Variants in ADCK1 observed in about 807,000 individuals in gnomAD.
The protein encoded by ADCK1 is aarF domain-containing protein kinase 1.
ADCK1 carries 41 observed loss-of-function variants against 52.3 expected under a neutral mutation model. The observed-to-expected ratio is 0.78, with a 90% confidence interval of 0.61 to 1.02. The LOEUF (loss-of-function observed/expected upper bound fraction) is 1.02, where lower values mean the gene tolerates loss of function less well. Ranked by LOEUF, ADCK1 falls within the 50% of genes least tolerant of loss-of-function variation. ADCK1 has a pLI of 0.00. For synonymous variants in ADCK1, 250 were observed against 274.6 expected (o/e 0.91, Z 0.89); for missense variants, 658 against 679.5 (o/e 0.97, Z 0.35).
At chr14:77,896,695 G>A (rs992725279) in intron 5 of ADCK1, among the ~76,000 whole-genome samples, 6 of 152,206 alleles carry the variant, frequency 3.9e-5, no homozygotes, top group African/African-American at 1.4e-4. Context: ...CAGGGCTTGA[G>A]GCATACAGTC....
chr14:77,889,492 G>A (rs1258322161), intron 5 of ADCK1, among the ~76,000 whole-genome samples: 2 of 152,154 alleles, frequency 1.3e-5, no homozygotes, highest in African/African-American at 2.4e-5. Context: ...AAAATAACTT[G>A]CTCTATGTTA....
intron 3 of ADCK1, among the ~76,000 whole-genome samples, chr14:77,842,969 A>G (rs2082106830): frequency 6.9e-6 from 1 of 144,500 alleles, no homozygotes; most frequent in African/African-American, 2.6e-5. Flanking sequence ...GGCTCACTGC[A>G]TCCTCCACCT....
At chr14:77,809,725 A>C (rs2081298247) in intron 1 of ADCK1, among the ~76,000 whole-genome samples, 1 of 151,954 alleles carries the variant, frequency 6.6e-6, no homozygotes, top group South Asian at 2.1e-4. Flanking sequence ...TTCAGTAACA[A>C]ATAAATGAGG....
At chr14:77,882,303 T>C (rs989686369) in intron 4 of ADCK1, among the ~76,000 whole-genome samples, 1 of 152,216 alleles carries the variant, frequency 6.6e-6, no homozygotes, top group African/African-American at 2.4e-5. Flanking sequence ...TGTTTGCTGC[T>C]GATGCCATGG....
chr14:77,873,643 T>C (rs1225287384), intron 4 of ADCK1, among the ~76,000 whole-genome samples: 1 of 152,210 alleles, frequency 6.6e-6, no homozygotes, highest in Non-Finnish European at 1.5e-5. Flanking sequence ...GAATTGTAGC[T>C]CCCTCATCCT....
intron 1 of ADCK1, among the ~76,000 whole-genome samples, chr14:77,813,829 G>A (rs1488501783): frequency 6.6e-6 from 1 of 151,736 alleles, no homozygotes; most frequent in African/African-American, 2.4e-5. Flanking sequence ...GTGCGCAGTG[G>A]TGCAATCTCG....
intron 3 of ADCK1, among the ~76,000 whole-genome samples, chr14:77,850,770 C>A (rs1265668368): frequency 6.6e-6 from 1 of 151,344 alleles, no homozygotes; most frequent in African/African-American, 2.4e-5. Flanking sequence ...CCTGCCTCAG[C>A]TTCCCGAGTA....
At chr14:77,837,295 C>G (rs1172395904) in intron 3 of ADCK1, among the ~76,000 whole-genome samples, 1 of 151,934 alleles carries the variant, frequency 6.6e-6, no homozygotes, top group East Asian at 1.9e-4. Context: ...CATCATCATG[C>G]CTGGCTAATT....
chr14:77,917,458 A>G (rs1342866191), intron 7 of ADCK1, among the ~76,000 whole-genome samples: 1 of 152,180 alleles, frequency 6.6e-6, no homozygotes, highest in Non-Finnish European at 1.5e-5. Flanking sequence ...TTTTCTCTTG[A>G]GGGTGGGAAT....
intron 3 of ADCK1, among the ~76,000 whole-genome samples, chr14:77,857,843 T>A (rs200231051): frequency 1.2e-3 from 188 of 152,316 alleles, no homozygotes; most frequent in East Asian, 5.0e-3. Flanking sequence ...TTGACTGAGA[T>A]GGGAGGAGGC....
intron 3 of ADCK1, among the ~76,000 whole-genome samples, chr14:77,846,601 C>A (rs1160402975): frequency 6.6e-6 from 1 of 152,136 alleles, no homozygotes; most frequent in African/African-American, 2.4e-5. Flanking sequence ...TGGGAAAAAC[C>A]CCTGTTCTGG....
chr14:77,914,093 C>G lies in ADCK1; in HGVS notation c.858+6174C>G, dbSNP rs148500047. On this transcript the variant is annotated intron_variant, in intron 7 of 10. Transcript: ENST00000238561. ...CCCCCAAATCTCATTTTCAGAGGTG[C>G]TGGAGTCCCTCAGTTTCTGAGCCTG... is the stretch of plus-strand genomic sequence containing the variant. Among the ~76,000 whole-genome samples the G allele has an allele frequency of 1.5e-3, 233 of 152,258 alleles. 1 individual carries two copies. Among genetic ancestry groups the G allele is most frequent in the Admixed American group, 2.6e-3 (40 of 15,292 alleles).
At chr14:77,852,673 A>ATATTTATATATATATATATATAT (rs1566667046) in intron 3 of ADCK1, among the ~76,000 whole-genome samples, 1,561 of 18,030 alleles carry the variant, frequency 0.087, 36 homozygotes, top group South Asian at 0.17. Flanking sequence ...ATATATATAT[A>ATATTTATATATATATATATATAT]TATATATATA....
chr14:77,914,622 C>T (rs10150472), intron 7 of ADCK1: 68,538 of 981,006 alleles, frequency 0.07, 2,581 homozygotes, highest in African/African-American at 0.13. Flanking sequence ...AAGTTAGGGC[C>T]CCTGAGATTG....
chr14:77,833,763 A>G (rs1463745164), intron 3 of ADCK1, among the ~76,000 whole-genome samples: 1 of 151,944 alleles, frequency 6.6e-6, no homozygotes, highest in East Asian at 1.9e-4. Flanking sequence ...AGAAAATGTG[A>G]TTCTCCCTGG....
chr14:77,872,509 G>T (rs1205639594), intron 4 of ADCK1, among the ~76,000 whole-genome samples: 2 of 151,926 alleles, frequency 1.3e-5, no homozygotes, highest in African/African-American at 4.8e-5. Flanking sequence ...GGGAAGTGGG[G>T]TGTTAGGCTC....
intron 3 of ADCK1, 61 bp downstream of exon 3, chr14:77,822,579 T>C: frequency 2.2e-6 from 3 of 1,382,228 alleles, no homozygotes; most frequent in Non-Finnish European, 2.1e-6. Flanking sequence ...TGAACTGCTA[T>C]GCTCTAGTGA....
chr14:77,814,847 A>G (rs2081410577), intron 1 of ADCK1, among the ~76,000 whole-genome samples: 1 of 151,600 alleles, frequency 6.6e-6, no homozygotes, highest in African/African-American at 2.4e-5. Flanking sequence ...GGTGGACTCT[A>G]GGAATCTACA....
chr14:77,855,160 C>T (rs980547352), intron 3 of ADCK1, among the ~76,000 whole-genome samples: 10 of 152,318 alleles, frequency 6.6e-5, no homozygotes, highest in Admixed American at 3.3e-4. Flanking sequence ...GCCATCATGC[C>T]GTCTATTTCT....
Sources: allele counts gnomAD v4.1 joint callset (sites outside exome capture counted in the v4.1 genomes callset), GRCh38; gene constraint gnomAD v4.1.1; transcripts MANE v1.5; gene names NCBI Gene and HGNC (gene_info 2026-07-23, HGNC 2026-07-21).